RABGAP1: variants seen among roughly 807,000 people sequenced by gnomAD.
The protein encoded by RABGAP1 is RAB GTPase activating protein 1, also known as rab GTPase-activating protein 1.
Under a neutral mutation model 137.6 loss-of-function variants are expected in RABGAP1, and 23 were observed. The observed-to-expected ratio is 0.17, with a 90% CI of 0.12 to 0.24. The LOEUF (loss-of-function observed/expected upper bound fraction) is 0.24, where lower values mean the gene tolerates loss of function less well. RABGAP1 is among the 10% of genes least tolerant of loss of function. RABGAP1 has a pLI of 1.00. For synonymous variants in RABGAP1, 451 were observed against 450.7 expected, an observed-to-expected ratio of 1.00 and a Z score of -0.01; for missense variants, 906 against 1,275.8, an observed-to-expected ratio of 0.71 and a Z score of 4.42.
intron 1 of RABGAP1, among the ~76,000 whole-genome samples, chr9:122,950,520 A>G (rs1834188125): frequency 1.3e-5 from 2 of 151,308 alleles, no homozygotes; most frequent in South Asian, 4.2e-4. Flanking sequence ...TGACCATAGG[A>G]CGCATATAGT....
intron 13 of RABGAP1, among the ~76,000 whole-genome samples, chr9:123,023,428 C>T (rs1469903681): frequency 6.6e-6 from 1 of 152,140 alleles, no homozygotes. Context: ...TGATCCCTCC[C>T]CTCCCTGGCC....
intron 10 of RABGAP1, among the ~76,000 whole-genome samples, chr9:123,004,541 C>T (rs2030036079): frequency 6.6e-6 from 1 of 152,020 alleles, no homozygotes; most frequent in Non-Finnish European, 1.5e-5. Flanking sequence ...CCTCAGCCTC[C>T]CAAAGTGCTG....
At chr9:123,004,303 GT>G (rs1554715818) in intron 10 of RABGAP1, among the ~76,000 whole-genome samples, 3 of 149,600 alleles carry the variant, frequency 2.0e-5, no homozygotes, top group Admixed American at 6.7e-5. Flanking sequence ...CGTCTTTTTT[GT>G]TTTTTTTTTC....
At chr9:123,098,631 G>A (rs1206202476) in intron 22 of RABGAP1, 84 bp from the exon 23 acceptor site, 1 of 1,179,296 alleles carries the variant, frequency 8.5e-7, no homozygotes, top group African/African-American at 1.6e-5. Context: ...GCAGTTTTTG[G>A]GAAGCCTAGC....
intron 10 of RABGAP1, among the ~76,000 whole-genome samples, chr9:123,005,242 T>C (rs543586945): frequency 2.3e-4 from 35 of 151,910 alleles, no homozygotes; most frequent in Non-Finnish European, 4.9e-4. Context: ...GTTTGACATA[T>C]AGTTAGGTTC....
intron 2 of RABGAP1, among the ~76,000 whole-genome samples, chr9:122,959,212 A>G (rs753544994): frequency 6.6e-6 from 1 of 152,140 alleles, no homozygotes; most frequent in South Asian, 2.1e-4. Context: ...CAGTTAGAGC[A>G]GCAAATAGAC....
intron 13 of RABGAP1, among the ~76,000 whole-genome samples, chr9:123,051,670 A>G (rs1471371942): frequency 6.6e-6 from 1 of 152,174 alleles, no homozygotes; most frequent in African/African-American, 2.4e-5. Context: ...TGTTCAAATG[A>G]GTAAAAAGGA....
chr9:123,062,208 C>CG (rs1420915261), intron 13 of RABGAP1: 9 of 152,218 alleles, frequency 5.9e-5, no homozygotes, highest in Non-Finnish European at 1.2e-4. Context: ...GCGGAGGTTG[C>CG]GGTGAGCCAA....
At chr9:123,090,055 TAACA>T (rs2034989913) in intron 20 of RABGAP1, among the ~76,000 whole-genome samples, 1 of 152,220 alleles carries the variant, frequency 6.6e-6, no homozygotes. Flanking sequence ...TCGTCACAGT[TAACA>T]AATAGTAGGT....
intron 13 of RABGAP1, chr9:123,034,271 T>TC (rs2032480979): frequency 2.4e-6 from 1 of 424,830 alleles, no homozygotes; most frequent in South Asian, 6.3e-5. Context: ...GAAGACGTTC[T>TC]CCCCAGAGTT....
chr9:123,076,798 T>A (rs749443119), intron 19 of RABGAP1, 36 bp downstream of exon 19: 4 of 1,492,302 alleles, frequency 2.7e-6, no homozygotes, highest in Non-Finnish European at 2.7e-6. Flanking sequence ...ATTCTGTTTT[T>A]CACTTAGTGT....
chr9:123,033,350 C>T (rs2032410441), intron 13 of RABGAP1, among the ~76,000 whole-genome samples: 1 of 152,118 alleles, frequency 6.6e-6, no homozygotes, highest in African/African-American at 2.4e-5. Flanking sequence ...TCTGTTACTA[C>T]CCCTTCTCCT....
intron 2 of RABGAP1, among the ~76,000 whole-genome samples, chr9:122,961,222 A>G (rs1264373408): frequency 1.3e-5 from 2 of 151,622 alleles, no homozygotes; most frequent in Non-Finnish European, 2.9e-5. Context: ...AAAGAGGAGT[A>G]TCTTGATAAA....
intron 4 of RABGAP1, among the ~76,000 whole-genome samples, chr9:122,988,144 C>T (rs186576605): frequency 2.1e-4 from 32 of 152,334 alleles, no homozygotes; most frequent in Admixed American, 1.8e-3. Flanking sequence ...ATTCCTCTAA[C>T]TGAAGTTAGA....
upstream of RABGAP1, chr9:122,939,953 T>G (rs890402965): frequency 6.6e-6 from 1 of 152,146 alleles, no homozygotes; most frequent in Non-Finnish European, 1.5e-5. Flanking sequence ...CCAGTTGGAA[T>G]AAATAAAGGG....
In RABGAP1 at chr9:122,971,275, T is replaced by G. The variant is rs545111759; in HGVS notation, c.151-13210T>G. Among the ~76,000 whole-genome samples, 86 of 152,312 alleles carry G rather than the reference T, an allele frequency of 5.6e-4. No individual in the cohort carries two copies. The South Asian group carries it at 0.017, about 30-fold the overall frequency. On this transcript the variant is annotated intron_variant, in intron 2 of 25. Transcript: ENST00000373647. ...CCCACAGGCTTGCCTTCATGTATGT[T>G]TAGAGTTTGAATTTACACTGCTTGT...
chr9:123,097,611 C>A (rs2035221504), intron 21 of RABGAP1, 130 bp from the exon 22 acceptor site: 2 of 728,286 alleles, frequency 2.7e-6, no homozygotes, highest in African/African-American at 1.8e-5. Flanking sequence ...TCATTGTGAC[C>A]CTGGGGATAT....
At chr9:123,086,881 A>G (rs2132200472) in intron 19 of RABGAP1, among the ~76,000 whole-genome samples, 1 of 152,348 alleles carries the variant, frequency 6.6e-6, no homozygotes, top group Admixed American at 6.5e-5. Context: ...AATGAAGACC[A>G]TCAGCTAGAG....
intron 25 of RABGAP1, 115 bp from the exon 26 acceptor site, chr9:123,102,975 AT>A: frequency 7.4e-7 from 1 of 1,346,088 alleles, no homozygotes. Flanking sequence ...GACTGGGGGA[AT>A]TCCCCGAGGC....
Sources: gnomAD v4.1 joint callset for allele counts (sites outside exome capture counted in the v4.1 genomes callset) on GRCh38, gnomAD v4.1.1 for gene constraint, MANE v1.5 for transcripts, NCBI Gene and HGNC (gene_info 2026-07-23, HGNC 2026-07-21) for gene names.